The following STIM1 variants were observed in gnomAD, a reference collection of about 807,000 sequenced individuals.
STIM1 encodes stromal interaction molecule 1.
In STIM1, 25 loss-of-function variants were observed where a neutral mutation model predicts 74.7. The ratio of observed to expected loss-of-function variants is 0.33; its 90% CI spans 0.24 to 0.47. The LOEUF is 0.47. Among genes scored for constraint, STIM1 ranks in the 20% least tolerant of loss-of-function variants. The pLI is 1.00. For missense variants in STIM1, 728 were observed against 920.8 expected, an observed-to-expected ratio of 0.79 and a Z score of 2.71; for synonymous variants, 328 against 348.8, an observed-to-expected ratio of 0.94 and a Z score of 0.66.
chr11:4,038,488 G>T (rs946431871), intron 3 of STIM1, among the ~76,000 whole-genome samples: 2 of 151,858 alleles, frequency 1.3e-5, no homozygotes, highest in Non-Finnish European at 2.9e-5. Flanking sequence ...TTTAATCCTT[G>T]CACTGTGGCT....
At chr11:3,887,429 A>G (rs763871110) in intron 1 of STIM1, among the ~76,000 whole-genome samples, 3 of 152,194 alleles carry the variant, frequency 2.0e-5, no homozygotes, top group Non-Finnish European at 4.4e-5. Flanking sequence ...CCTGGAAACA[A>G]TGGACTGTAA....
intron 1 of STIM1, chr11:3,893,009 A>T: frequency 1.6e-6 from 1 of 634,148 alleles, no homozygotes; most frequent in Admixed American, 2.9e-5. Context: ...AGCTCAAGCA[A>T]TCCACCCACT....
intron 2 of STIM1, 122 bp downstream of exon 2, chr11:3,967,804 C>T (rs1294156901): frequency 7.0e-6 from 10 of 1,425,532 alleles, no homozygotes; most frequent in African/African-American, 1.4e-5. Context: ...TTTAGGAACT[C>T]ATCCCTATCA....
At chr11:4,071,106 T>G (rs1454331472) in intron 6 of STIM1, among the ~76,000 whole-genome samples, 2 of 151,948 alleles carry the variant, frequency 1.3e-5, no homozygotes, top group Admixed American at 1.3e-4. Context: ...TAAGGTTGAG[T>G]GTATAGGGTG....
intron 1 of STIM1, chr11:3,922,774 G>GAAAAA (rs531016753): frequency 6.8e-6 from 1 of 146,434 alleles, no homozygotes; most frequent in South Asian, 2.1e-4. Context: ...CTTTCCTAAA[G>GAAAAA]AAAAAAAAAA....
At chr11:4,036,916 G>T (rs2094107974) in intron 3 of STIM1, among the ~76,000 whole-genome samples, 1 of 152,200 alleles carries the variant, frequency 6.6e-6, no homozygotes, top group Admixed American at 6.5e-5. Context: ...TATAGCAAAA[G>T]TAACTATCAT....
intron 2 of STIM1, among the ~76,000 whole-genome samples, chr11:3,983,979 G>C (rs1233652793): frequency 6.6e-6 from 1 of 151,930 alleles, no homozygotes; most frequent in East Asian, 1.9e-4. Context: ...CGATTCTCCT[G>C]CCTCAGCCTC....
intron 1 of STIM1, among the ~76,000 whole-genome samples, chr11:3,894,775 G>C (rs535157672): frequency 1.6e-3 from 245 of 152,074 alleles, no homozygotes; most frequent in African/African-American, 5.5e-3. Flanking sequence ...GTCTCGATTT[G>C]TTGCCCAGGC....
At chr11:4,023,833 C>G (rs929451428) in intron 2 of STIM1, 40 bp from the exon 3 acceptor site, 7 of 1,545,642 alleles carry the variant, frequency 4.5e-6, no homozygotes, top group Non-Finnish European at 4.5e-6. Flanking sequence ...CGGGCTGACT[C>G]CTAGGTATCT....
At chr11:3,969,321 CA>C (rs879839105) in intron 2 of STIM1, among the ~76,000 whole-genome samples, 60 of 133,984 alleles carry the variant, frequency 4.5e-4, no homozygotes, top group Middle Eastern at 7.3e-3. Context: ...CCTGTCTCTA[CA>C]AAAAAAAAAA....
chr11:3,881,737 G>A (rs1372887297), intron 1 of STIM1, among the ~76,000 whole-genome samples: 1 of 152,084 alleles, frequency 6.6e-6, no homozygotes, highest in African/African-American at 2.4e-5. Context: ...AGGCTGGAGT[G>A]CAGTGGTGTG....
intron 2 of STIM1, among the ~76,000 whole-genome samples, chr11:3,989,818 T>A (rs1459313924): frequency 6.6e-6 from 1 of 152,308 alleles, no homozygotes; most frequent in Middle Eastern, 3.4e-3. Flanking sequence ...GCCTAAAATA[T>A]TTACTGTCTG....
At chr11:4,015,785 A>G (rs1382847130) in intron 2 of STIM1, among the ~76,000 whole-genome samples, 1 of 151,946 alleles carries the variant, frequency 6.6e-6, no homozygotes, top group Non-Finnish European at 1.5e-5. Flanking sequence ...GCTTTATTTC[A>G]TTAATTTGAT....
At chr11:4,079,488 C>T (rs1024486300) in intron 7 of STIM1, among the ~76,000 whole-genome samples, 13 of 150,734 alleles carry the variant, frequency 8.6e-5, no homozygotes, top group Admixed American at 4.0e-4. Flanking sequence ...GCAGGAGAAT[C>T]GCTTGAACCT....
At chr11:3,993,925 T>G (rs898947044) in intron 2 of STIM1, among the ~76,000 whole-genome samples, 5 of 152,222 alleles carry the variant, frequency 3.3e-5, no homozygotes, top group Admixed American at 2.0e-4. Flanking sequence ...GGATCTGTTT[T>G]GTTCACTGCT....
At chr11:4,084,867 C>T (rs2094484088) in intron 11 of STIM1, 102 bp downstream of exon 11, 1 of 909,388 alleles carries the variant, frequency 1.1e-6, no homozygotes, top group East Asian at 6.1e-5. Flanking sequence ...CACGCCCCTG[C>T]CTGCTCCCTC....
intron 1 of STIM1, among the ~76,000 whole-genome samples, chr11:3,953,756 C>T (rs940409444): frequency 6.7e-6 from 1 of 149,872 alleles, no homozygotes; most frequent in Non-Finnish European, 1.5e-5. Flanking sequence ...TTTGCAAGAT[C>T]GGTATTGACT....
chr11:3,931,074 T>C (rs1007240778), intron 1 of STIM1, among the ~76,000 whole-genome samples: 9 of 152,312 alleles, frequency 5.9e-5, no homozygotes, highest in African/African-American at 2.2e-4. Context: ...ATGAATGTCA[T>C]GAAGTGCAAA....
At chr11:4,071,528 A>C (rs1202628451) in intron 6 of STIM1, among the ~76,000 whole-genome samples, 2 of 151,614 alleles carry the variant, frequency 1.3e-5, no homozygotes, top group East Asian at 3.9e-4. Context: ...TTTTTTGTAG[A>C]GACAGGGGTC....
Sources: gnomAD v4.1 joint callset for allele counts (sites outside exome capture counted in the v4.1 genomes callset) on GRCh38, gnomAD v4.1.1 for gene constraint, MANE v1.5 for transcripts, NCBI Gene and HGNC (gene_info 2026-07-23, HGNC 2026-07-21) for gene names.